Variants in GOLGA6L9 observed in about 807,000 individuals in gnomAD.
The protein encoded by GOLGA6L9 is golgin subfamily A member 6-like protein 9.
GOLGA6L9 carries 19 observed loss-of-function variants against 51.3 expected under a neutral mutation model. That is an observed-to-expected ratio of 0.37 (90% CI 0.26 to 0.54). The LOEUF (loss-of-function observed/expected upper bound fraction) is 0.54, where lower values mean the gene tolerates loss of function less well. Ranked by LOEUF, GOLGA6L9 falls within the 20% of genes least tolerant of loss-of-function variation. GOLGA6L9 has a pLI of 0.83. For synonymous variants in GOLGA6L9, 97 were observed against 184.2 expected (o/e 0.53, Z 3.83); for missense variants, 247 against 464.1 (o/e 0.53, Z 4.30).
rs1436095931 is a variant in GOLGA6L9 at position 82,432,800 on chromosome 15, C to G, written c.265-17C>G. 6.3e-5 allele frequency: 102 copies of G among 1,610,258 alleles called. No individual in the cohort carries two copies. Among genetic ancestry groups the G allele is most frequent in the Non-Finnish European group, 8.5e-5 (100 of 1,178,630 alleles). ...CCACAATCTTTCTCCAACTCCTTCT[C>G]TCTGCATGCACCTCAGAGCCAGTAC... On this transcript the variant is annotated splice_polypyrimidine_tract_variant and intron_variant, in intron 3 of 8. Coordinates refer to ENST00000618348, the MANE Select transcript of GOLGA6L9 (RefSeq NM_198181.4).
the GOLGA6L9 span, among the ~76,000 whole-genome samples, chr15:82,424,246 A>G: frequency 6.6e-6 from 1 of 151,270 alleles, no homozygotes; most frequent in Non-Finnish European, 1.5e-5. Flanking sequence ...TATTTTTTGT[A>G]TTTTTAGTAA....
chr15:82,419,602 A>T, the GOLGA6L9 span, among the ~76,000 whole-genome samples: 3 of 152,128 alleles, frequency 2.0e-5, no homozygotes, highest in African/African-American at 7.2e-5. Context: ...GTGAGCTGAG[A>T]TGGTGCCACC....
At chr15:82,420,779 G>C in the GOLGA6L9 span, among the ~76,000 whole-genome samples, 71,321 of 151,752 alleles carry the variant, frequency 0.47, 17,647 homozygotes, top group African/African-American at 0.64. Flanking sequence ...GTAATTCCAG[G>C]ACATTACTGA....
the GOLGA6L9 span, among the ~76,000 whole-genome samples, chr15:82,416,806 TC>T: frequency 6.6e-6 from 1 of 152,240 alleles, no homozygotes; most frequent in Admixed American, 6.5e-5. Context: ...TATGATTCTA[TC>T]CTTTATTTCT....
intron 4 of GOLGA6L9, among the ~76,000 whole-genome samples, chr15:82,433,295 G>C (rs1399864146): frequency 1.3e-5 from 2 of 151,924 alleles, no homozygotes; most frequent in Admixed American, 6.6e-5. Flanking sequence ...AGTATCAAAG[G>C]TCTCGGTTAG....
At position 82,436,407 on chromosome 15, in the gene GOLGA6L9, T is replaced by C. The variant is rs1214106130; in HGVS notation, c.1295T>C (p.Ile432Thr). The change falls in exon 9 of 9, where the codon ATC becomes ACC. Residue 432 changes from isoleucine to threonine, a missense_variant. Ile to Thr is a moderately conservative substitution (Grantham distance 89). Coordinates refer to ENST00000618348, the MANE Select transcript of GOLGA6L9 (RefSeq NM_198181.4). The part of the protein sequence containing the change: ...AENRELNITI[I>T] ...AACAGGGAGCTAAACATCACCATCA[T>C]CTAAGAGCGGGTCAAGAAATTGAAA... 1.0e-5 allele frequency: 16 copies of C among 1,591,470 alleles called. No homozygotes were observed. The highest frequency in any genetic ancestry group is 1.4e-5 in the Non-Finnish European group (16 of 1,176,140).
chr15:82,429,083 TATTTC>T (rs1364103216), upstream of GOLGA6L9, among the ~76,000 whole-genome samples: 90 of 151,138 alleles, frequency 6.0e-4, no homozygotes, highest in African/African-American at 2.1e-3. Context: ...TATTTTATTT[TATTTC>T]TTTTGAGATG....
chr15:82,432,831 A>G lies in GOLGA6L9; in HGVS notation c.279A>G (p.Glu93=). 7 of 1,612,456 alleles carry G rather than the reference A, an allele frequency of 4.3e-6. No homozygotes were observed. The highest frequency in any genetic ancestry group is 5.9e-6 in the Non-Finnish European group (7 of 1,179,768). Residue 93 remains glutamate (E), a synonymous_variant, in exon 4 of 9, where the codon GAA becomes GAG. Coordinates refer to ENST00000618348, the MANE Select transcript of GOLGA6L9 (RefSeq NM_198181.4). ...TLQDLESQYQ[E]LAVALDSSSA... ...ATGCACCTCAGAGCCAGTACCAAGA[A>G]CTAGCAGTAGCCCTGGATTCAAGCT... is the stretch of plus-strand genomic sequence containing the variant.
upstream of GOLGA6L9, among the ~76,000 whole-genome samples, chr15:82,429,070 T>G (rs1296266859): frequency 2.7e-5 from 4 of 147,398 alleles, no homozygotes. Context: ...TTGTATCTTA[T>G]TTTATTTTAT....
rs1242606154 is a variant in GOLGA6L9 at position 82,436,542 on chromosome 15, G to T, written c.*131G>T. On this transcript the variant is annotated 3_prime_UTR_variant, in exon 9 of 9. Transcript: ENST00000618348. ...TCTAATTTATAGTTTAAATTTATTT[G>T]TGTTTCTAATTTATAGTTTAAATTT... is the stretch of plus-strand genomic sequence containing the variant. 2.4e-6 allele frequency: 3 copies of T among 1,246,430 alleles called. No homozygotes were observed. The highest frequency in any genetic ancestry group is 3.1e-5 in the African/African-American group (2 of 65,452). 77.2% of individuals were successfully genotyped at this position (1,246,430 alleles called of 1,614,324 possible). A position where few individuals can be genotyped will look rare whatever the true frequency, so the allele number is the denominator to read the frequency against.
the GOLGA6L9 span, among the ~76,000 whole-genome samples, chr15:82,424,451 C>G: frequency 1.3e-5 from 2 of 152,110 alleles, no homozygotes; most frequent in Non-Finnish European, 2.9e-5. Flanking sequence ...CAAGCAGAGA[C>G]CAGTAGGTGC....
chr15:82,433,119 C>G (rs2031483884), intron 4 of GOLGA6L9, among the ~76,000 whole-genome samples: 1 of 151,458 alleles, frequency 6.6e-6, no homozygotes, highest in Non-Finnish European at 1.5e-5. Context: ...CACCCCTGCT[C>G]TAGTCCTTGC....
upstream of GOLGA6L9, among the ~76,000 whole-genome samples, chr15:82,427,337 T>G (rs1242091630): frequency 2.1e-4 from 30 of 144,866 alleles, no homozygotes; most frequent in African/African-American, 7.6e-4. Context: ...TTTTTCTTTC[T>G]CTCTTTTTCT....
rs1382493703 is a variant in GOLGA6L9, at chr15:82,433,577, GA to G, written c.362del (p.Glu121GlyfsTer49). ...NINSLVRTSK[E>X]EKKHEIHLVQ... The stretch of plus-strand genomic sequence containing the variant: ...CTTTGGGCAGGTTCGCACATCTAAG[GA>G]GGAGAAGAAGCATGAGATACATCTG... On this transcript the variant is annotated frameshift_variant, in exon 5 of 9. Coordinates refer to ENST00000618348, the MANE Select transcript of GOLGA6L9 (RefSeq NM_198181.4). LOFTEE classifies it high-confidence loss of function. 1 of 950,610 alleles carries G rather than the reference GA, an allele frequency of 1.1e-6. No individual in the cohort carries two copies. Among genetic ancestry groups the G allele is most frequent in the African/African-American group, 2.1e-5 (1 of 47,942 alleles). 58.9% of individuals were successfully genotyped at this position (950,610 alleles called of 1,614,324 possible). A position where few individuals can be genotyped will look rare whatever the true frequency, so the allele number is the denominator to read the frequency against.
Position 82,436,578 on chromosome 15 carries a change from A to G in GOLGA6L9, c.*167A>G, listed in dbSNP as rs1185473184. The stretch of plus-strand genomic sequence containing the variant: ...TTATAGTTTAAATTTATTTGTTTCT[A>G]ATTTATAGTTTAAATTTATTTGTGT... On this transcript the variant is annotated 3_prime_UTR_variant, in exon 9 of 9. Transcript: ENST00000618348. 12 of 676,130 alleles carry G rather than the reference A, an allele frequency of 1.8e-5. No individual in the cohort carries two copies. Among genetic ancestry groups the G allele is most frequent in the Admixed American group, 1.0e-4 (3 of 29,524 alleles). 41.9% of individuals were successfully genotyped at this position (676,130 alleles called of 1,614,324 possible). A position where few individuals can be genotyped will look rare whatever the true frequency, so the allele number is the denominator to read the frequency against.
intron 4 of GOLGA6L9, among the ~76,000 whole-genome samples, chr15:82,433,111 C>T (rs1466991200): frequency 1.3e-5 from 2 of 151,414 alleles, no homozygotes; most frequent in African/African-American, 4.9e-5. Context: ...TCTCCAGACA[C>T]CCCTGCTCTA....
At position 82,429,844 on chromosome 15, in the gene GOLGA6L9, A is replaced by T. The variant is rs1336270099; in HGVS notation, c.-236A>T. 6.7e-3 allele frequency among the ~76,000 whole-genome samples: 1,017 copies of T among 152,092 alleles called. 11 individuals carry two copies. The highest frequency in any genetic ancestry group is 0.023 in the African/African-American group (951 of 41,452). On this transcript the variant is annotated 5_prime_UTR_variant, in exon 1 of 9. Transcript: ENST00000618348. ...CTCCCCTCTCTCTGAGTGGGCGGGG[A>T]CAGCGGTTGCATGGGCAGCTTTCCT...
At chr15:82,418,047 C>T in the GOLGA6L9 span, among the ~76,000 whole-genome samples, 1 of 152,178 alleles carries the variant, frequency 6.6e-6, no homozygotes, top group Non-Finnish European at 1.5e-5. Context: ...ACTTTGAAAG[C>T]TCCCAGGGTT....
the GOLGA6L9 span, among the ~76,000 whole-genome samples, chr15:82,418,324 G>A: frequency 1.3e-5 from 2 of 152,166 alleles, no homozygotes; most frequent in African/African-American, 2.4e-5. Flanking sequence ...CATTTGGAAG[G>A]GTAGGAAGCA....
Sources: gnomAD v4.1 joint callset for allele counts (sites outside exome capture counted in the v4.1 genomes callset) on GRCh38, gnomAD v4.1.1 for gene constraint, MANE v1.5 for transcripts, NCBI Gene and HGNC (gene_info 2026-07-23, HGNC 2026-07-21) for gene names.